PPP2R1B: variants seen among roughly 807,000 people sequenced by gnomAD.
The protein encoded by PPP2R1B is serine/threonine-protein phosphatase 2A 65 kDa regulatory subunit A beta isoform.
Under a neutral mutation model 72.7 loss-of-function variants are expected in PPP2R1B, and 58 were observed. The observed-to-expected ratio is 0.80, with a 90% CI of 0.65 to 0.99. The LOEUF is 0.99. Ranked by LOEUF, PPP2R1B falls within the 50% of genes least tolerant of loss-of-function variation. PPP2R1B has a pLI of 0.00. For missense variants in PPP2R1B, 695 were observed against 733.6 expected, an observed-to-expected ratio of 0.95 and a Z score of 0.61; for synonymous variants, 256 against 264.6, an observed-to-expected ratio of 0.97 and a Z score of 0.32.
the PPP2R1B span, chr11:111,701,533 G>A: frequency 1.2e-6 from 2 of 1,613,926 alleles, no homozygotes; most frequent in Non-Finnish European, 1.7e-6. This position sits in a 1 kb window ranked among gnomAD's most constrained non-coding sequence, Gnocchi z 4.2. Flanking sequence ...GAGGCAGAGG[G>A]TTCTGGAAGG....
Position 111,739,831 on chromosome 11 carries a change from A to G in PPP2R1B, c.*1765T>C, listed in dbSNP as rs556390690. ...ATAAGATATTAAAATGAGAATATAG[A>G]AAAAGATTTGTGCTTAGGAAAATAC... On this transcript the variant is annotated 3_prime_UTR_variant, in exon 15 of 15. Coordinates refer to ENST00000527614, the MANE Select transcript of PPP2R1B (RefSeq NM_002716.5). The G allele has an allele frequency of 1.3e-5, 13 of 973,128 alleles. No homozygotes were observed. The Admixed American group carries it at 1.8e-4, about 14-fold the overall frequency. 60.3% of individuals were successfully genotyped at this position (973,128 alleles called of 1,614,324 possible). A position where few individuals can be genotyped will look rare whatever the true frequency, so the allele number is the denominator to read the frequency against.
At chr11:111,735,479 G>A (rs1207579099), downstream of PPP2R1B, among the ~76,000 whole-genome samples, 1 of 152,180 alleles carries the variant, frequency 6.6e-6, no homozygotes, top group Admixed American at 6.5e-5. Flanking sequence ...CCTGTGTCCC[G>A]TCCAGGAGTG....
the PPP2R1B span, chr11:111,721,149 T>C: frequency 1.4e-6 from 2 of 1,462,304 alleles, no homozygotes; most frequent in South Asian, 2.7e-5. Context: ...CTTAGAGGAT[T>C]TCCTCCAGTC....
the PPP2R1B span, chr11:111,700,946 C>G: frequency 6.2e-7 from 1 of 1,613,836 alleles, no homozygotes; most frequent in Admixed American, 1.7e-5. Flanking sequence ...TGTGGCAGCC[C>G]CCCTTATGCA....
chr11:111,721,238 C>T, the PPP2R1B span, among the ~76,000 whole-genome samples: 4 of 152,204 alleles, frequency 2.6e-5, no homozygotes, highest in African/African-American at 9.6e-5. Flanking sequence ...GGGTTCAACC[C>T]ATCCACGCTG....
At chr11:111,764,729 G>T in intron 3 of PPP2R1B, 76 bp downstream of exon 3, 3 of 1,417,176 alleles carry the variant, frequency 2.1e-6, no homozygotes, top group Non-Finnish European at 2.0e-6. Flanking sequence ...ATGCTGCAGT[G>T]TGTCTATCAC....
At chr11:111,723,408 T>C (rs1292660371), downstream of PPP2R1B, 2 of 1,383,566 alleles carry the variant, frequency 1.4e-6, no homozygotes, top group South Asian at 1.4e-5. Flanking sequence ...AGTAGAAGAC[T>C]GAAGCTAGTG....
At chr11:111,720,335 C>T in the PPP2R1B span, 3 of 886,886 alleles carry the variant, frequency 3.4e-6, no homozygotes, top group South Asian at 5.5e-5. Flanking sequence ...CTAAATTGGC[C>T]AGTAAAAGGG....
intron 11 of PPP2R1B, among the ~76,000 whole-genome samples, chr11:111,743,980 C>A (rs1432658938): frequency 1.3e-5 from 2 of 152,110 alleles, no homozygotes. Context: ...AAGGCTTCGG[C>A]ACAGAAAGAA....
At chr11:111,703,548 C>T in the PPP2R1B span, 5 of 742,998 alleles carry the variant, frequency 6.7e-6, no homozygotes, top group Non-Finnish European at 8.8e-6. Context: ...TCAGTGTTCC[C>T]TATAGATGAC....
the PPP2R1B span, among the ~76,000 whole-genome samples, chr11:111,692,378 A>C: frequency 1.6e-4 from 23 of 144,330 alleles, no homozygotes; most frequent in African/African-American, 5.9e-4. Flanking sequence ...AAAAAAAAAA[A>C]AAAAAAAAAA....
At chr11:111,745,451 C>A (rs145195765) in intron 11 of PPP2R1B, among the ~76,000 whole-genome samples, 1 of 152,182 alleles carries the variant, frequency 6.6e-6, no homozygotes, top group Non-Finnish European at 1.5e-5. Context: ...GGGGAACACA[C>A]ATGCATAGCC....
chr11:111,727,041 A>T lies in PPP2R1B; in HGVS notation c.1928T>A (p.Leu643Ter). Reference sequence around the variant, plus strand: ...AAGTGTGTCTCTAGTATCTCCACGCAACTGATACACTGGTCCCTGTAAGGC... The same window carrying T: ...AAGTGTGTCTCTAGTATCTCCACGCTACTGATACACTGGTCCCTGTAAGGC... The change falls in exon 16 of 16, where the codon TTG (leucine) becomes TAG (stop). Residue 643 changes from leucine to a stop codon, truncating the protein, a stop_gained. Coordinates refer to the PPP2R1B transcript ENST00000311129. LOFTEE classifies it high-confidence loss of function. The T allele has an allele frequency of 6.2e-7, 1 of 1,614,098 alleles. No homozygotes were observed. The highest frequency in any genetic ancestry group is 8.5e-7 in the Non-Finnish European group (1 of 1,179,990).
the PPP2R1B span, chr11:111,705,196 T>C: frequency 6.9e-6 from 10 of 1,456,618 alleles, no homozygotes; most frequent in African/African-American, 4.4e-5. The surrounding 1 kb of genome is among the most constrained non-coding windows in gnomAD (Gnocchi z 4.3). Context: ...ACATGTTTGA[T>C]ACATTTTTCA....
chr11:111,721,821 G>C, the PPP2R1B span: 1 of 1,599,224 alleles, frequency 6.3e-7, no homozygotes. Context: ...CCACCCCCTT[G>C]CTCCTCAGGA....
chr11:111,722,734 G>A (rs1265390652), downstream of PPP2R1B: 1 of 1,614,032 alleles, frequency 6.2e-7, no homozygotes, highest in African/African-American at 1.3e-5. The surrounding 1 kb of genome is among the most constrained non-coding windows in gnomAD (Gnocchi z 4.4). Context: ...GCGGAGCCTT[G>A]AGCAGCAGCT....
intron 10 of PPP2R1B, among the ~76,000 whole-genome samples, chr11:111,748,488 G>A (rs1555046980): frequency 6.6e-6 from 1 of 152,174 alleles, no homozygotes; most frequent in East Asian, 1.9e-4. Flanking sequence ...GAGTATTTTC[G>A]AGACAACAGG....
chr11:111,759,308 T>C (rs1311791012), intron 5 of PPP2R1B, among the ~76,000 whole-genome samples: 10 of 152,206 alleles, frequency 6.6e-5, no homozygotes. Flanking sequence ...TTTGGATGTT[T>C]GCTAGTTTTA....
At chr11:111,699,880 C>A in the PPP2R1B span, among the ~76,000 whole-genome samples, 7 of 152,202 alleles carry the variant, frequency 4.6e-5, no homozygotes, top group African/African-American at 9.6e-5. Context: ...GCAGTAGAGA[C>A]TTGATCCAGT....
Sources: gnomAD v4.1 joint callset for allele counts (sites outside exome capture counted in the v4.1 genomes callset) on GRCh38, gnomAD v4.1.1 for gene constraint, Gnocchi (gnomAD v3.1) non-coding constraint, MANE v1.5 for transcripts, NCBI Gene and HGNC (gene_info 2026-07-23, HGNC 2026-07-21) for gene names.